The following DPYD variants were observed in gnomAD, a reference collection of about 807,000 sequenced individuals.
DPYD encodes the protein dihydropyrimidine dehydrogenase [NADP(+)].
In DPYD, 109 loss-of-function variants were observed where a neutral mutation model predicts 116.2. That is an observed-to-expected ratio of 0.94 (90% CI 0.80 to 1.10). The LOEUF (loss-of-function observed/expected upper bound fraction) is 1.10, where lower values mean the gene tolerates loss of function less well. Among genes scored for constraint, DPYD ranks in the 50% least tolerant of loss-of-function variants. The pLI is 0.00. For missense variants in DPYD, 1,302 were observed against 1,254.5 expected (o/e 1.04, Z -0.57); for synonymous variants, 440 against 432.0 (o/e 1.02, Z -0.23).
chr1:97,898,692 T>A (rs1390126044), intron 1 of DPYD, among the ~76,000 whole-genome samples: 1 of 151,956 alleles, frequency 6.6e-6, no homozygotes, highest in Non-Finnish European at 1.5e-5. Flanking sequence ...TGAACTGTAA[T>A]AATCCCCATG....
chr1:97,504,889 C>A (rs1198571333), intron 13 of DPYD, among the ~76,000 whole-genome samples: 3 of 85,534 alleles, frequency 3.5e-5, no homozygotes, highest in Non-Finnish European at 6.8e-5. Context: ...AGGAAAGGGG[C>A]CGGGGGGTGG....
chr1:97,626,108 C>T (rs1025392009), intron 8 of DPYD, among the ~76,000 whole-genome samples: 4 of 151,930 alleles, frequency 2.6e-5, no homozygotes, highest in Admixed American at 6.6e-5. Context: ...TCACTCTATC[C>T]GTGATGCCTG....
intron 14 of DPYD, among the ~76,000 whole-genome samples, chr1:97,418,408 C>T (rs2094813507): frequency 6.6e-6 from 1 of 151,014 alleles, no homozygotes; most frequent in Non-Finnish European, 1.5e-5. Context: ...TCAAGTGATT[C>T]TCCTGCGTCA....
chr1:97,271,629 T>C (rs1664587887), intron 18 of DPYD, among the ~76,000 whole-genome samples: 1 of 152,196 alleles, frequency 6.6e-6, no homozygotes, highest in African/African-American at 2.4e-5. Flanking sequence ...GAAAACCCCA[T>C]AAAAGCATGT....
At position 97,305,283 on chromosome 1, in the gene DPYD, G is replaced by T. The variant is rs759372918; in HGVS notation, c.2275C>A (p.Arg759=). Residue 759 remains arginine, a synonymous_variant, in exon 18 of 23, where the codon CGA becomes AGA. Coordinates refer to ENST00000370192, the MANE Select transcript of DPYD (RefSeq NM_000110.4). ...TPWPAVGIAK[R]TTYGGVSGTA... ...CCAGACACTCCTCCATATGTAGTTC[G>T]CTTTGCAATCCCCACTGCTGGCCAA... The T allele has an allele frequency of 1.2e-6, 2 of 1,612,286 alleles. No homozygotes were observed. Among genetic ancestry groups the T allele is most frequent in the Non-Finnish European group, 1.7e-6 (2 of 1,178,916 alleles).
At chr1:97,737,670 C>T (rs899231062) in intron 4 of DPYD, among the ~76,000 whole-genome samples, 1 of 152,046 alleles carries the variant, frequency 6.6e-6, no homozygotes, top group Non-Finnish European at 1.5e-5. Context: ...CTATTGGTTA[C>T]ATTTCTGCTT....
intron 3 of DPYD, among the ~76,000 whole-genome samples, chr1:97,740,712 G>C (rs1046672980): frequency 6.6e-6 from 1 of 152,068 alleles, no homozygotes; most frequent in Non-Finnish European, 1.5e-5. Flanking sequence ...TCCTCTCAGA[G>C]TTCCTTCTTG....
At chr1:97,459,808 A>T (rs531199580) in intron 13 of DPYD, among the ~76,000 whole-genome samples, 1 of 152,322 alleles carries the variant, frequency 6.6e-6, no homozygotes, top group South Asian at 2.1e-4. Context: ...AACAATAACA[A>T]GAAAAAAGCA....
intron 1 of DPYD, among the ~76,000 whole-genome samples, chr1:97,908,122 T>C (rs1422895126): frequency 6.6e-6 from 1 of 152,038 alleles, no homozygotes; most frequent in Non-Finnish European, 1.5e-5. Flanking sequence ...CATGGCTTAC[T>C]GCAGCTTCCA....
chr1:97,634,673 A>C (rs180872190), intron 8 of DPYD, among the ~76,000 whole-genome samples: 186 of 152,252 alleles, frequency 1.2e-3, no homozygotes, highest in Admixed American at 5.8e-3. Flanking sequence ...ATGTCTTATA[A>C]GCACCAAAGA....
intron 3 of DPYD, among the ~76,000 whole-genome samples, chr1:97,768,097 C>T (rs1265297226): frequency 6.6e-6 from 1 of 152,000 alleles, no homozygotes; most frequent in Non-Finnish European, 1.5e-5. Context: ...ATCAGGTCCT[C>T]GAAAGTTTTG....
At chr1:97,110,858 C>CTTCT (rs1393452672) in intron 20 of DPYD, among the ~76,000 whole-genome samples, 3 of 151,926 alleles carry the variant, frequency 2.0e-5, no homozygotes, top group Non-Finnish European at 4.4e-5. Flanking sequence ...TTAGTTGACC[C>CTTCT]TTCTTTCTTT....
intron 2 of DPYD, among the ~76,000 whole-genome samples, chr1:97,832,168 T>C (rs557143284): frequency 6.6e-6 from 1 of 151,296 alleles, no homozygotes; most frequent in African/African-American, 2.4e-5. Flanking sequence ...CCATTTAATC[T>C]GCATGACAAC....
intron 18 of DPYD, among the ~76,000 whole-genome samples, chr1:97,273,833 T>C (rs1664753050): frequency 1.3e-5 from 2 of 152,324 alleles, no homozygotes; most frequent in Middle Eastern, 3.4e-3. Flanking sequence ...TCTTGATATC[T>C]GTACAATTCT....
chr1:97,720,868 T>C, intron 5 of DPYD: 1 of 1,608,566 alleles, frequency 6.2e-7, no homozygotes, highest in East Asian at 2.2e-5. Flanking sequence ...AGCCCAAGAG[T>C]GTCTGAAGAA....
chr1:97,305,566 T>C (rs1302492858), intron 17 of DPYD, among the ~76,000 whole-genome samples, 188 bp from the exon 18 acceptor site: 1 of 152,038 alleles, frequency 6.6e-6, no homozygotes, highest in African/African-American at 2.4e-5. Context: ...GAAGTTTTAA[T>C]TACCACAACT....
intron 8 of DPYD, among the ~76,000 whole-genome samples, chr1:97,626,448 A>C (rs779939176): frequency 6.6e-6 from 1 of 152,060 alleles, no homozygotes; most frequent in Non-Finnish European, 1.5e-5. Flanking sequence ...AGACAAGAAA[A>C]AAACAAACAA....
intron 13 of DPYD, among the ~76,000 whole-genome samples, chr1:97,462,326 A>C (rs1677075968): frequency 6.6e-6 from 1 of 152,206 alleles, no homozygotes; most frequent in South Asian, 2.1e-4. Context: ...ATCCTTCAGA[A>C]GACAATATGA....
intron 8 of DPYD, among the ~76,000 whole-genome samples, chr1:97,657,615 A>C (rs910280361): frequency 6.6e-6 from 1 of 152,176 alleles, no homozygotes; most frequent in Non-Finnish European, 1.5e-5. Context: ...ATTGTGTGTA[A>C]ATGAACAACC....
Sources: gnomAD v4.1 joint callset for allele counts (sites outside exome capture counted in the v4.1 genomes callset) on GRCh38, gnomAD v4.1.1 for gene constraint, MANE v1.5 for transcripts, NCBI Gene and HGNC (gene_info 2026-07-23, HGNC 2026-07-21) for gene names.